PABPC4L: variants seen among roughly 807,000 people sequenced by gnomAD.
The protein encoded by PABPC4L is polyadenylate-binding protein 4-like.
For synonymous variants in PABPC4L, 169 were observed against 164.1 expected, an observed-to-expected ratio of 1.03 and a Z score of -0.23; for missense variants, 452 against 451.4, an observed-to-expected ratio of 1.00 and a Z score of -0.01.
At chr4:134,130,165 G>T in the PABPC4L span, among the ~76,000 whole-genome samples, 2 of 150,544 alleles carry the variant, frequency 1.3e-5, no homozygotes, top group African/African-American at 4.9e-5. Context: ...CCAAAACCTA[G>T]CAGAAGAAAA....
chr4:133,986,742 T>C, the PABPC4L span, among the ~76,000 whole-genome samples: 291 of 151,484 alleles, frequency 1.9e-3, 1 homozygote, highest in African/African-American at 6.7e-3. Context: ...GAGAAGACTT[T>C]TTTTTTTTTT....
chr4:134,182,774 C>T, the PABPC4L span, among the ~76,000 whole-genome samples: 1 of 151,780 alleles, frequency 6.6e-6, no homozygotes, highest in African/African-American at 2.4e-5. Context: ...AACTAAACAA[C>T]CCCATTAAAA....
chr4:134,083,335 G>A, the PABPC4L span, among the ~76,000 whole-genome samples: 2 of 151,884 alleles, frequency 1.3e-5, no homozygotes, highest in Non-Finnish European at 2.9e-5. Flanking sequence ...TTTACTGATC[G>A]AGGATTGGAT....
chr4:133,993,689 G>T, the PABPC4L span, among the ~76,000 whole-genome samples: 1 of 152,116 alleles, frequency 6.6e-6, no homozygotes, highest in Admixed American at 6.5e-5. Context: ...TAACTGAAAA[G>T]GTTTAGTTAA....
the PABPC4L span, among the ~76,000 whole-genome samples, chr4:134,141,082 ACAAC>A: frequency 2.0e-5 from 3 of 151,920 alleles, no homozygotes; most frequent in Non-Finnish European, 3.0e-5. Context: ...CATTTTTCAT[ACAAC>A]CAGAGAATGA....
the PABPC4L span, among the ~76,000 whole-genome samples, chr4:134,033,260 T>C: frequency 6.6e-6 from 1 of 151,832 alleles, no homozygotes; most frequent in Non-Finnish European, 1.5e-5. Context: ...GTAAACTTAA[T>C]TGATAACTGT....
chr4:133,978,273 A>C, the PABPC4L span, among the ~76,000 whole-genome samples: 1 of 152,246 alleles, frequency 6.6e-6, no homozygotes, highest in African/African-American at 2.4e-5. Flanking sequence ...AGATAAGAGC[A>C]AAAAGAGTTC....
chr4:134,108,071 T>G, the PABPC4L span, among the ~76,000 whole-genome samples: 1 of 151,602 alleles, frequency 6.6e-6, no homozygotes, highest in South Asian at 2.1e-4. Context: ...AAAAAGTAAA[T>G]AATAATTTAA....
At chr4:134,127,627 C>T in the PABPC4L span, among the ~76,000 whole-genome samples, 4 of 151,970 alleles carry the variant, frequency 2.6e-5, no homozygotes, top group Non-Finnish European at 5.9e-5. Context: ...AAAGAGCACC[C>T]GTGGGACAAA....
chr4:134,035,865 T>C, the PABPC4L span, among the ~76,000 whole-genome samples: 1 of 152,102 alleles, frequency 6.6e-6, no homozygotes, highest in Admixed American at 6.6e-5. Context: ...CCTCCTCTAA[T>C]ATATTTTCAT....
At position 134,201,754 on chromosome 4, in the gene PABPC4L, T is replaced by G. The variant is rs1255741409; in HGVS notation, c.-263A>C. The G allele has an allele frequency of 6.6e-6, 1 of 152,482 alleles. No individual in the cohort carries two copies. The highest frequency in any genetic ancestry group is 1.5e-5 in the Non-Finnish European group (1 of 68,276). 9.4% of individuals were successfully genotyped at this position (152,482 alleles called of 1,614,324 possible). ...TGCGGGCGGGCGGGAAGCCCGGAAC[T>G]CGCGCGCTGAACTTCCCGCGCACTC... On this transcript the variant is annotated 5_prime_UTR_variant, in exon 1 of 2. Coordinates refer to ENST00000421491, the MANE Select transcript of PABPC4L (RefSeq NM_001114734.2).
chr4:134,175,305 A>T, the PABPC4L span, among the ~76,000 whole-genome samples: 20 of 152,222 alleles, frequency 1.3e-4, no homozygotes, highest in East Asian at 3.9e-3. Context: ...TAAAATGTGA[A>T]TTACATGTGT....
chr4:134,085,426 A>C, the PABPC4L span, among the ~76,000 whole-genome samples: 1 of 152,152 alleles, frequency 6.6e-6, no homozygotes, highest in African/African-American at 2.4e-5. Flanking sequence ...TTTATAAAAT[A>C]TACACACATA....
chr4:134,133,529 C>T, the PABPC4L span, among the ~76,000 whole-genome samples: 10 of 149,952 alleles, frequency 6.7e-5, no homozygotes, highest in Non-Finnish European at 1.3e-4. Context: ...ATGGCATTTG[C>T]AGCAACTTGA....
chr4:134,149,215 T>C, the PABPC4L span, among the ~76,000 whole-genome samples: 3 of 152,126 alleles, frequency 2.0e-5, no homozygotes, highest in Non-Finnish European at 4.4e-5. Context: ...CACATACCCG[T>C]TCCCAAGTCA....
chr4:134,004,369 G>A, the PABPC4L span, among the ~76,000 whole-genome samples: 2 of 151,750 alleles, frequency 1.3e-5, no homozygotes, highest in African/African-American at 2.4e-5. Flanking sequence ...ACATACAAAA[G>A]GCCAACAGGT....
chr4:134,131,991 T>G, the PABPC4L span, among the ~76,000 whole-genome samples: 1 of 152,030 alleles, frequency 6.6e-6, no homozygotes, highest in African/African-American at 2.4e-5. Flanking sequence ...CAAATGGTGC[T>G]GGGATAATTG....
the PABPC4L span, among the ~76,000 whole-genome samples, chr4:134,091,242 TCTTCAGTA>T: frequency 6.6e-6 from 1 of 151,982 alleles, no homozygotes; most frequent in Non-Finnish European, 1.5e-5. Flanking sequence ...TTAAGTATAT[TCTTCAGTA>T]CTTAACTTTT....
At chr4:133,953,117 G>A in the PABPC4L span, among the ~76,000 whole-genome samples, 1 of 152,114 alleles carries the variant, frequency 6.6e-6, no homozygotes, top group South Asian at 2.1e-4. Context: ...AATTCATAAA[G>A]GGGATCACAT....
Sources: allele counts gnomAD v4.1 joint callset (sites outside exome capture counted in the v4.1 genomes callset), GRCh38; gene constraint gnomAD v4.1.1; transcripts MANE v1.5; gene names NCBI Gene and HGNC (gene_info 2026-07-23, HGNC 2026-07-21).